The following TBC1D22B variants were observed in gnomAD, a reference collection of about 807,000 sequenced individuals.
The protein encoded by TBC1D22B is chromosome 6 open reading frame 197.
Under a neutral mutation model 69.1 loss-of-function variants are expected in TBC1D22B, and 32 were observed. The ratio of observed to expected loss-of-function variants is 0.46; its 90% CI spans 0.35 to 0.62. The LOEUF (loss-of-function observed/expected upper bound fraction) is 0.62, where lower values mean the gene tolerates loss of function less well. TBC1D22B is among the 20% of genes least tolerant of loss of function. The probability of loss-of-function intolerance (pLI) is 0.00; values close to 1 mark genes in which losing one functional copy is unlikely to be tolerated. For synonymous variants in TBC1D22B, 206 were observed against 229.8 expected (o/e 0.90, Z 0.94); for missense variants, 462 against 630.9 (o/e 0.73, Z 2.87).
chr6:37,327,280 C>T, intron 12 of TBC1D22B, among the ~76,000 whole-genome samples: 1 of 101,294 alleles, frequency 9.9e-6, no homozygotes, highest in East Asian at 2.4e-4. Flanking sequence ...AGATCGAGAC[C>T]ATCCTGGCTA....
chr6:37,314,937 G>A (rs183232320), intron 10 of TBC1D22B, among the ~76,000 whole-genome samples: 2 of 152,280 alleles, frequency 1.3e-5, no homozygotes, highest in Non-Finnish European at 2.9e-5. Context: ...TATGTCACAT[G>A]TGGAATTTTT....
intron 8 of TBC1D22B, among the ~76,000 whole-genome samples, chr6:37,304,787 T>TA (rs1237529689): frequency 2.6e-5 from 4 of 152,116 alleles, no homozygotes; most frequent in Non-Finnish European, 5.9e-5. Context: ...TCTACTTTTT[T>TA]AAAAAAATCG....
chr6:37,300,071 C>T (rs1056142917), intron 8 of TBC1D22B, among the ~76,000 whole-genome samples: 2 of 150,414 alleles, frequency 1.3e-5, no homozygotes, highest in African/African-American at 4.9e-5. Context: ...ACTCTTGTGG[C>T]TTTAACATTT....
At chr6:37,292,371 C>T (rs906718592) in intron 8 of TBC1D22B, among the ~76,000 whole-genome samples, 2 of 151,988 alleles carry the variant, frequency 1.3e-5, no homozygotes, top group South Asian at 2.1e-4. Context: ...CCAGGTTTTG[C>T]GATGGGGCTC....
At chr6:37,274,090 T>C (rs1766589191) in intron 2 of TBC1D22B, among the ~76,000 whole-genome samples, 1 of 152,246 alleles carries the variant, frequency 6.6e-6, no homozygotes, top group Non-Finnish European at 1.5e-5. Flanking sequence ...GCAGCTGCAT[T>C]GGCCACTTGA....
intron 6 of TBC1D22B, among the ~76,000 whole-genome samples, chr6:37,286,590 C>T (rs1309137850): frequency 6.6e-6 from 1 of 151,514 alleles, no homozygotes; most frequent in Admixed American, 6.6e-5. Context: ...GCTGGGATTA[C>T]AGGCGTGAGC....
rs747253169 is a variant in TBC1D22B at position 37,258,830 on chromosome 6, T to TA, written c.56+860dup. On this transcript the variant is annotated intron_variant, in intron 1 of 12. Transcript: ENST00000373491. ...TAAGGAAGAGTGTGTATTTCAGTCG[T>TA]AAATTTAAGATTTCTGCCAGCTACA... 8.5e-5 allele frequency among the ~76,000 whole-genome samples: 13 copies of TA among 152,330 alleles called. No homozygotes were observed. In the East Asian group the frequency reaches 2.3e-3, roughly 27 times the overall value.
chr6:37,279,331 C>T lies in TBC1D22B; in HGVS notation c.141C>T (p.Asn47=). 1 of 1,609,964 alleles carries T rather than the reference C, an allele frequency of 6.2e-7. No homozygotes were observed. Among genetic ancestry groups the T allele is most frequent in the Non-Finnish European group, 8.5e-7 (1 of 1,178,156 alleles). ...TCATTAAAGAACGATCAAAAGTCAACACAGTTCCTCTGAAGAATAAGAAGG... is the reference window on the plus strand; with the variant it reads ...TCATTAAAGAACGATCAAAAGTCAATACAGTTCCTCTGAAGAATAAGAAGG... ...KNFIKERSKV[N]TVPLKNKKAS... The change falls in exon 3 of 13, where the codon AAC becomes AAT. Residue 47 remains asparagine, a synonymous_variant. Transcript: ENST00000373491.
At chr6:37,328,032 G>A (rs1031918649) in intron 12 of TBC1D22B, among the ~76,000 whole-genome samples, 4 of 152,058 alleles carry the variant, frequency 2.6e-5, no homozygotes, top group African/African-American at 9.7e-5. Context: ...GTTTGTGGTG[G>A]GCCAGGCGCG....
Position 37,313,822 on chromosome 6 carries a change from T to TA in TBC1D22B, c.1097dup (p.Tyr366Ter), listed in dbSNP as rs766877461. ...GGCTCTGTGTCATTTGCAGGATAAC[T>TA]ACACCTTTGCACAACCAGGAATCCA... ...SKLLDGIQDNYTFAQPGIQKK... is the reference protein window; with the variant it reads ...SKLLDGIQDN Residue 366 changes from tyrosine (Y) to a stop codon, truncating the protein, a stop_gained and frameshift_variant, in exon 10 of 13, where the codon TAC becomes TAAC. Coordinates refer to ENST00000373491, the MANE Select transcript of TBC1D22B (RefSeq NM_017772.4). LOFTEE classifies it high-confidence loss of function. The TA allele has an allele frequency of 6.2e-7, 1 of 1,614,150 alleles. No homozygotes were observed. Among genetic ancestry groups the TA allele is most frequent in the Non-Finnish European group, 8.5e-7 (1 of 1,179,962 alleles).
At chr6:37,265,303 A>G (rs1282898998) in intron 1 of TBC1D22B, among the ~76,000 whole-genome samples, 1 of 152,226 alleles carries the variant, frequency 6.6e-6, no homozygotes, top group Non-Finnish European at 1.5e-5. Flanking sequence ...TGCACAAATT[A>G]GGTTTGCTTT....
rs182360927 is a variant in TBC1D22B, at chr6:37,320,460, G to A, written c.1389+3254G>A. 2.9e-4 allele frequency among the ~76,000 whole-genome samples: 44 copies of A among 152,270 alleles called. No individual in the cohort carries two copies. In the East Asian group the frequency reaches 5.8e-3, roughly 20 times the overall value. On this transcript the variant is annotated intron_variant, in intron 12 of 12. Transcript: ENST00000373491. ...TACTTGATATATAGACCTCGAAACA[G>A]TGAGCTTATTATCATTAATATTAAT...
rs147324755 is a variant in TBC1D22B, at chr6:37,331,053, A to C, written c.1399A>C (p.Met467Leu). 1.1e-4 allele frequency: 181 copies of C among 1,614,142 alleles called. 1 individual carries two copies. Among genetic ancestry groups the C allele is most frequent in the Non-Finnish European group, 1.4e-4 (160 of 1,180,004 alleles). Residue 467 changes from methionine (M) to leucine (L), a missense_variant, in exon 13 of 13, where the codon ATG becomes CTG. Transcript: ENST00000373491. Reference protein sequence around the residue: ...LDEEDFQGLLMLLQNLPTIHW... With the variant: ...LDEEDFQGLLLLLQNLPTIHW... ...CTTTCTTGCATTCCAGGGTCTCCTCATGCTGCTACAGAACCTACCTACAAT... is the reference window on the plus strand; with the variant it reads ...CTTTCTTGCATTCCAGGGTCTCCTCCTGCTGCTACAGAACCTACCTACAAT...
At chr6:37,270,052 A>G (rs1050924432) in intron 2 of TBC1D22B, among the ~76,000 whole-genome samples, 1 of 152,210 alleles carries the variant, frequency 6.6e-6, no homozygotes, top group Non-Finnish European at 1.5e-5. Flanking sequence ...CCTCACTTTT[A>G]CTATGAGAAC....
In TBC1D22B at chr6:37,279,582, G is replaced by A; in HGVS notation, c.392G>A (p.Ser131Asn). 3 of 1,613,206 alleles carry A rather than the reference G, an allele frequency of 1.9e-6. No homozygotes were observed. The highest frequency in any genetic ancestry group is 2.5e-6 in the Non-Finnish European group (3 of 1,179,328). Reference sequence around the variant, plus strand: ...GCCAACTACAAGGTCATAAAGTCCAGCAGTGATGCCCAGCTGTCCAGAAAC... The same window carrying A: ...GCCAACTACAAGGTCATAAAGTCCAACAGTGATGCCCAGCTGTCCAGAAAC... Reference protein sequence around the residue: ...VPANYKVIKSSSDAQLSRNSS... With the variant: ...VPANYKVIKSNSDAQLSRNSS... The change falls in exon 3 of 13, where the codon AGC (serine) becomes AAC (asparagine). Residue 131 changes from serine to asparagine, a missense_variant. Coordinates refer to ENST00000373491, the MANE Select transcript of TBC1D22B (RefSeq NM_017772.4).
intron 8 of TBC1D22B, among the ~76,000 whole-genome samples, chr6:37,304,315 G>A (rs769533887): frequency 6.6e-6 from 1 of 152,208 alleles, no homozygotes; most frequent in African/African-American, 2.4e-5. Flanking sequence ...CAAGGAAAAT[G>A]AAGGCTTATA....
chr6:37,268,711 A>G (rs922108835), intron 1 of TBC1D22B, among the ~76,000 whole-genome samples: 3 of 152,112 alleles, frequency 2.0e-5, no homozygotes, highest in East Asian at 1.9e-4. Context: ...TTCTTTCTTT[A>G]TAATATTACT....
intron 3 of TBC1D22B, among the ~76,000 whole-genome samples, chr6:37,280,673 C>T (rs1033515152): frequency 2.0e-5 from 3 of 152,254 alleles, no homozygotes; most frequent in African/African-American, 7.2e-5. Context: ...CCAGGACCTC[C>T]CCCGCCCAGC....
intron 9 of TBC1D22B, 120 bp from the exon 10 acceptor site, chr6:37,313,696 T>C: frequency 1.1e-6 from 1 of 897,862 alleles, no homozygotes; most frequent in East Asian, 2.5e-5. Context: ...CAGAACACTG[T>C]CACTGGCCAT....
Sources: allele counts gnomAD v4.1 joint callset (sites outside exome capture counted in the v4.1 genomes callset), GRCh38; gene constraint gnomAD v4.1.1; transcripts MANE v1.5; gene names NCBI Gene and HGNC (gene_info 2026-07-23, HGNC 2026-07-21).